Variants in LRRC28 observed in about 807,000 individuals in gnomAD.
LRRC28 encodes the protein leucine rich repeat containing 28.
A neutral mutation model predicts 45.7 loss-of-function variants in LRRC28; 39 were observed. That is an observed-to-expected ratio of 0.85 (90% CI 0.66 to 1.12). LRRC28 has a LOEUF of 1.12. LRRC28 is among the 50% of genes most tolerant of loss of function. The probability of loss-of-function intolerance (pLI) is 0.00; values close to 1 mark genes in which losing one functional copy is unlikely to be tolerated. For synonymous variants in LRRC28, 206 were observed against 178.8 expected (o/e 1.15, Z -1.22); for missense variants, 435 against 438.5 (o/e 0.99, Z 0.07).
At position 99,258,645 on chromosome 15, in the gene LRRC28, T is replaced by G. The variant is rs2081099793; in HGVS notation, c.168+2520T>G. On this transcript the variant is annotated intron_variant, in intron 2 of 9. Transcript: ENST00000301981. ...ACTTATGAATGATATCAAACCAATA[T>G]GGCAGAGACCATCCAAGAAGTAGAA... 9.3e-6 allele frequency: 7 copies of G among 754,258 alleles called. No individual in the cohort carries two copies. In the South Asian group the frequency reaches 9.6e-5, roughly 10 times the overall value. 46.7% of individuals were successfully genotyped at this position (754,258 alleles called of 1,614,324 possible).
chr15:99,380,021 G>C (rs1242059323), intron 9 of LRRC28, among the ~76,000 whole-genome samples: 1 of 152,142 alleles, frequency 6.6e-6, no homozygotes, highest in Non-Finnish European at 1.5e-5. Context: ...TAGTTGATTT[G>C]GGGTGGAGAG....
At chr15:99,370,993 C>A (rs1957468906) in intron 9 of LRRC28, among the ~76,000 whole-genome samples, 1 of 151,938 alleles carries the variant, frequency 6.6e-6, no homozygotes, top group South Asian at 2.1e-4. Flanking sequence ...GCCTGTAATC[C>A]CAGCTACTGG....
At chr15:99,285,740 T>C (rs2152205317) in intron 3 of LRRC28, 1 of 548,426 alleles carries the variant, frequency 1.8e-6, no homozygotes, top group South Asian at 1.7e-5. Flanking sequence ...CATATTTTGA[T>C]TTGGACATTT....
intron 5 of LRRC28, chr15:99,331,925 C>T (rs1326278980): frequency 2.0e-5 from 3 of 152,232 alleles, no homozygotes; most frequent in African/African-American, 7.2e-5. Context: ...CAAGCCTTCA[C>T]ATAACCTTCT....
Position 99,335,404 on chromosome 15 carries a change from G to A in LRRC28, c.592+1275G>A, listed in dbSNP as rs77723722. On this transcript the variant is annotated intron_variant, in intron 6 of 9. Coordinates refer to ENST00000301981, the MANE Select transcript of LRRC28 (RefSeq NM_144598.5). ...AGTTATTTTGAAGTTGAATATGATA[G>A]TTTATGTATAAGAATTATAAAGCAC... 1.4e-4 allele frequency among the ~76,000 whole-genome samples: 22 copies of A among 152,292 alleles called. No homozygotes were observed. In the East Asian group the frequency reaches 3.3e-3, roughly 23 times the overall value.
intron 3 of LRRC28, chr15:99,285,580 G>C: frequency 1.3e-6 from 1 of 743,816 alleles, no homozygotes; most frequent in Admixed American, 2.2e-5. Flanking sequence ...TAGACTTGAC[G>C]GCAGGGGGAG....
chr15:99,364,734 C>A (rs1424335130), intron 9 of LRRC28, among the ~76,000 whole-genome samples: 3 of 152,160 alleles, frequency 2.0e-5, no homozygotes, highest in African/African-American at 4.8e-5. Flanking sequence ...ATAATAATAT[C>A]TATTTAATAG....
chr15:99,382,950 C>T (rs1025988117), intron 9 of LRRC28, among the ~76,000 whole-genome samples: 1 of 152,036 alleles, frequency 6.6e-6, no homozygotes, highest in African/African-American at 2.4e-5. Flanking sequence ...TCTCTTATTT[C>T]TTAACAGCTT....
chr15:99,361,413 C>T lies in LRRC28; in HGVS notation c.773C>T (p.Ala258Val). The part of the protein sequence containing the change: ...SSGQRTVFLP[A>V]EVKAIGTEHD... ...GGGCAGCGAACCGTTTTCCTCCCAG[C>T]TGAGGTGAAGGCCATAGGGACGGAG... The change falls in exon 8 of 10, where the codon GCT becomes GTT. Residue 258 changes from alanine to valine, a missense_variant. Physicochemically the swap from Ala to Val is moderately conservative, Grantham distance 64. Transcript: ENST00000301981. 1 of 1,613,986 alleles carries T rather than the reference C, an allele frequency of 6.2e-7. No individual in the cohort carries two copies. Among genetic ancestry groups the T allele is most frequent in the Non-Finnish European group, 8.5e-7 (1 of 1,179,964 alleles).
At position 99,316,265 on chromosome 15, in the gene LRRC28, G is replaced by A. The variant is rs1490664897; in HGVS notation, c.386-17658G>A. 2.0e-5 allele frequency among the ~76,000 whole-genome samples: 3 copies of A among 152,088 alleles called. No homozygotes were observed. In the East Asian group the frequency reaches 5.8e-4, roughly 29 times the overall value. On this transcript the variant is annotated intron_variant, in intron 5 of 9. Transcript: ENST00000301981. ...ATATATACTACTTATATCTCTTAAT[G>A]AAAGTGAATACAAAGGAAATAATTA...
chr15:99,378,302 G>A (rs1035015753), intron 9 of LRRC28, among the ~76,000 whole-genome samples: 20 of 152,298 alleles, frequency 1.3e-4, no homozygotes, highest in African/African-American at 4.3e-4. Context: ...TCTCTTTGAA[G>A]CAATTGTGAA....
intron 9 of LRRC28, among the ~76,000 whole-genome samples, chr15:99,377,484 C>G (rs370177385): frequency 6.6e-6 from 1 of 152,164 alleles, no homozygotes; most frequent in Non-Finnish European, 1.5e-5. Context: ...TTCTCCCATT[C>G]TATAGGTTGC....
At chr15:99,259,648 T>G (rs1281380976) in intron 2 of LRRC28, 2 of 1,427,562 alleles carry the variant, frequency 1.4e-6, no homozygotes, top group Non-Finnish European at 2.0e-6. Context: ...CAAATTACCA[T>G]GCGAGTCGGA....
chr15:99,362,276 A>G (rs1957225034), intron 8 of LRRC28, among the ~76,000 whole-genome samples: 1 of 152,234 alleles, frequency 6.6e-6, no homozygotes, highest in Non-Finnish European at 1.5e-5. Context: ...TAAAAGCTAA[A>G]CAGAAAATTA....
chr15:99,315,130 A>G (rs1273781760), intron 5 of LRRC28, among the ~76,000 whole-genome samples: 1 of 152,174 alleles, frequency 6.6e-6, no homozygotes, highest in African/African-American at 2.4e-5. Flanking sequence ...ACCATTAAAC[A>G]AGGAATCATG....
chr15:99,295,609 CAAAG>C (rs2082243076), intron 5 of LRRC28, among the ~76,000 whole-genome samples: 1 of 152,084 alleles, frequency 6.6e-6, no homozygotes, highest in Non-Finnish European at 1.5e-5. Flanking sequence ...GTTATAGTAA[CAAAG>C]AAACAACAAA....
Position 99,321,047 on chromosome 15 carries a change from A to C in LRRC28, c.386-12876A>C, listed in dbSNP as rs1209928973. On this transcript the variant is annotated intron_variant, in intron 5 of 9. Coordinates refer to ENST00000301981, the MANE Select transcript of LRRC28 (RefSeq NM_144598.5). Reference sequence around the variant, plus strand: ...AGGATGCCAATCTTGTTTAAACATGAAAAAAATGTTTTCCTTTAGACTTGC... The same window carrying C: ...AGGATGCCAATCTTGTTTAAACATGCAAAAAATGTTTTCCTTTAGACTTGC... Among the ~76,000 whole-genome samples, 5 of 152,086 alleles carry C rather than the reference A, an allele frequency of 3.3e-5. No individual in the cohort carries two copies. In the East Asian group the frequency reaches 9.6e-4, roughly 29 times the overall value.
intron 6 of LRRC28, among the ~76,000 whole-genome samples, chr15:99,340,954 G>T (rs934272846): frequency 6.6e-6 from 1 of 152,014 alleles, no homozygotes; most frequent in Non-Finnish European, 1.5e-5. Context: ...TTAGAGCTCT[G>T]GAATGCAAAT....
At chr15:99,372,699 C>G (rs1325102737) in intron 9 of LRRC28, among the ~76,000 whole-genome samples, 1 of 152,172 alleles carries the variant, frequency 6.6e-6, no homozygotes, top group Non-Finnish European at 1.5e-5. Flanking sequence ...GGACATTATC[C>G]TTTAATGAGT....
Sources: allele counts gnomAD v4.1 joint callset (sites outside exome capture counted in the v4.1 genomes callset), GRCh38; gene constraint gnomAD v4.1.1; transcripts MANE v1.5; gene names NCBI Gene and HGNC (gene_info 2026-07-23, HGNC 2026-07-21).